CMTR1: variants seen among roughly 807,000 people sequenced by gnomAD.
CMTR1 encodes the protein cap-specific mRNA (nucleoside-2'-O-)-methyltransferase 1.
A neutral mutation model predicts 107.0 loss-of-function variants in CMTR1; 39 were observed. The observed-to-expected ratio is 0.36, with a 90% CI of 0.28 to 0.48. The LOEUF is 0.48. CMTR1 is among the 20% of genes least tolerant of loss of function. The pLI is 0.99. For synonymous variants in CMTR1, 366 were observed against 379.5 expected, an observed-to-expected ratio of 0.96 and a Z score of 0.41; for missense variants, 672 against 1,064.9, an observed-to-expected ratio of 0.63 and a Z score of 5.14.
intron 2 of CMTR1, among the ~76,000 whole-genome samples, chr6:37,439,837 G>A (rs959547076): frequency 6.6e-6 from 1 of 152,102 alleles, no homozygotes; most frequent in Non-Finnish European, 1.5e-5. Context: ...TTTAGTGACA[G>A]GGTTTCACTA....
At chr6:37,477,735 C>CGGGGGGG in intron 21 of CMTR1, 96 bp downstream of exon 21, 7 of 373,468 alleles carry the variant, frequency 1.9e-5, no homozygotes, top group Non-Finnish European at 2.8e-5. Context: ...GGGTCGGGGG[C>CGGGGGGG]GGGGGGTGGT....
intron 3 of CMTR1, among the ~76,000 whole-genome samples, chr6:37,445,484 CTTT>C (rs370310831): frequency 9.2e-6 from 1 of 109,190 alleles, no homozygotes. Context: ...CATACCTCAC[CTTT>C]TTTTTTTTTT....
chr6:37,435,375 A>G (rs1771504033), intron 1 of CMTR1, among the ~76,000 whole-genome samples: 1 of 152,220 alleles, frequency 6.6e-6, no homozygotes, highest in Non-Finnish European at 1.5e-5. Flanking sequence ...ATCTGACACC[A>G]GTGGCCCAGG....
chr6:37,464,328 G>A (rs900417928), intron 13 of CMTR1, among the ~76,000 whole-genome samples: 2 of 152,002 alleles, frequency 1.3e-5, no homozygotes, highest in East Asian at 1.9e-4. Context: ...TTAGCCAGGC[G>A]TGGTGGCGGG....
At chr6:37,459,745 A>G (rs757428101) in intron 10 of CMTR1, 61 bp downstream of exon 10, 92 of 1,239,386 alleles carry the variant, frequency 7.4e-5, no homozygotes, top group Non-Finnish European at 1.1e-4. Flanking sequence ...GAGGTTTGAG[A>G]ATTGTTTGTT....
chr6:37,464,201 C>G (rs1215003725), intron 13 of CMTR1, among the ~76,000 whole-genome samples: 1 of 152,146 alleles, frequency 6.6e-6, no homozygotes, highest in Non-Finnish European at 1.5e-5. Context: ...CGTAGTGGCT[C>G]ACACCTGTAA....
At chr6:37,465,223 C>T (rs538251623) in intron 13 of CMTR1, among the ~76,000 whole-genome samples, 13 of 151,354 alleles carry the variant, frequency 8.6e-5, no homozygotes, top group East Asian at 7.8e-4. Context: ...GCCGAGATCG[C>T]GCCATCGTAC....
chr6:37,474,778 GT>G, intron 18 of CMTR1, 132 bp downstream of exon 18: 2 of 1,367,090 alleles, frequency 1.5e-6, no homozygotes, highest in Non-Finnish European at 2.0e-6. Flanking sequence ...TGGGGTAAGG[GT>G]TTATAATGAC....
chr6:37,432,986 G>A (rs1313135616), upstream of CMTR1, among the ~76,000 whole-genome samples: 1 of 152,252 alleles, frequency 6.6e-6, no homozygotes, highest in African/African-American at 2.4e-5. Flanking sequence ...TCGTGTGAGG[G>A]CACCTAGCAC....
the CMTR1 span, among the ~76,000 whole-genome samples, chr6:37,425,216 T>G: frequency 2.7e-5 from 4 of 150,720 alleles, no homozygotes; most frequent in Non-Finnish European, 4.4e-5. Flanking sequence ...TGCTGGGAAA[T>G]TTTTCCCTCA....
chr6:37,428,115 T>C, the CMTR1 span, among the ~76,000 whole-genome samples: 12 of 148,746 alleles, frequency 8.1e-5, no homozygotes, highest in Non-Finnish European at 5.9e-5. Context: ...GCAATGGGAG[T>C]ACAGCTGCCA....
chr6:37,427,968 TA>T, the CMTR1 span, among the ~76,000 whole-genome samples: 1 of 147,382 alleles, frequency 6.8e-6, no homozygotes, highest in African/African-American at 2.5e-5. This position sits in a 1 kb window ranked among gnomAD's most constrained non-coding sequence, Gnocchi z 4.4. Context: ...GTTTTTCCCC[TA>T]AATGTGATAC....
At chr6:37,433,139 G>A (rs976057256), upstream of CMTR1, 3 of 152,580 alleles carry the variant, frequency 2.0e-5, no homozygotes, top group Admixed American at 1.3e-4. Context: ...CCAAACCTCA[G>A]CTGCCTTTCC....
chr6:37,472,474 T>C lies in CMTR1; in HGVS notation c.1676T>C (p.Phe559Ser). Residue 559 changes from phenylalanine (F) to serine (S), a missense_variant, in exon 16 of 24, where the codon TTT (phenylalanine) becomes TCT (serine). Transcript: ENST00000373451. This position sits in a 1 kb window ranked among gnomAD's most constrained non-coding sequence, Gnocchi z 4.1. Reference protein sequence around the residue: ...PSSSDPKSKFFELIQGTEIDI... With the variant: ...PSSSDPKSKFSELIQGTEIDI... ...TCCTCCGACCCTAAATCGAAGTTCT[T>C]TGAGCTAATCCAGGTAAGACTGGTA... 1.2e-6 allele frequency: 2 copies of C among 1,614,136 alleles called. No homozygotes were observed. The highest frequency in any genetic ancestry group is 1.7e-6 in the Non-Finnish European group (2 of 1,179,986).
chr6:37,446,139 A>T, intron 3 of CMTR1, 152 bp from the exon 4 acceptor site: 1 of 861,764 alleles, frequency 1.2e-6, no homozygotes, highest in Non-Finnish European at 1.7e-6. Context: ...GCAGTTATTT[A>T]TTTATGCTTC....
chr6:37,457,330 G>A (rs1165127707), intron 8 of CMTR1, among the ~76,000 whole-genome samples: 1 of 152,102 alleles, frequency 6.6e-6, no homozygotes, highest in African/African-American at 2.4e-5. Flanking sequence ...GAGTTGGCTG[G>A]GTGCTCCGAG....
chr6:37,475,434 AG>A, intron 19 of CMTR1, 22 bp downstream of exon 19: 1 of 806,322 alleles, frequency 1.2e-6, no homozygotes, highest in Non-Finnish European at 2.0e-6. Context: ...GCCCCAGGGT[AG>A]GGAGGGTGGG....
chr6:37,476,793 T>C (rs1042066620), intron 20 of CMTR1, among the ~76,000 whole-genome samples: 7 of 152,256 alleles, frequency 4.6e-5, no homozygotes, highest in African/African-American at 1.7e-4. Flanking sequence ...GGGAGCTTCA[T>C]GCGGCTGGAG....
intron 19 of CMTR1, chr6:37,475,918 T>C: frequency 1.7e-6 from 1 of 573,060 alleles, no homozygotes; most frequent in Non-Finnish European, 3.1e-6. Context: ...AAATTAGAGG[T>C]CAGAATCCAC....
Sources: allele counts gnomAD v4.1 joint callset (sites outside exome capture counted in the v4.1 genomes callset), GRCh38; gene constraint gnomAD v4.1.1; non-coding constraint Gnocchi (gnomAD v3.1); transcripts MANE v1.5; gene names NCBI Gene and HGNC (gene_info 2026-07-23, HGNC 2026-07-21).